Variants in SAMMSON observed in about 807,000 individuals in gnomAD.
The protein encoded by SAMMSON is long intergenic non-protein coding RNA 1212.
intron 3 of SAMMSON, chr3:70,024,755 T>C (rs1390297151): frequency 1.3e-5 from 2 of 152,236 alleles, no homozygotes; most frequent in Non-Finnish European, 2.9e-5. Context: ...GAAAGGCTTT[T>C]TGCTTTGTTT....
chr3:70,333,412 A>G (rs373980207), intron 7 of SAMMSON, among the ~76,000 whole-genome samples: 11 of 152,262 alleles, frequency 7.2e-5, no homozygotes, highest in African/African-American at 2.6e-4. Context: ...TTATATACAC[A>G]CACACATGTA....
At chr3:70,087,601 G>C (rs2067290539) in intron 4 of SAMMSON, among the ~76,000 whole-genome samples, 1 of 152,182 alleles carries the variant, frequency 6.6e-6, no homozygotes, top group Non-Finnish European at 1.5e-5. Context: ...TGACACTGGA[G>C]TTATTTTCTG....
chr3:70,381,574 G>A (rs987419096), intron 9 of SAMMSON, among the ~76,000 whole-genome samples: 1 of 152,140 alleles, frequency 6.6e-6, no homozygotes, highest in Non-Finnish European at 1.5e-5. Flanking sequence ...GATTTTATGT[G>A]CTTCCTGATG....
intron 4 of SAMMSON, chr3:70,124,986 T>C (rs1232314548): frequency 2.9e-5 from 19 of 655,534 alleles, no homozygotes. Flanking sequence ...AGTTCCATAG[T>C]CCAGGTGGTC....
chr3:70,169,147 GA>G (rs760237083), intron 4 of SAMMSON, among the ~76,000 whole-genome samples: 18 of 151,862 alleles, frequency 1.2e-4, no homozygotes, highest in Non-Finnish European at 2.4e-4. Context: ...AGATCTGGGA[GA>G]AAAAAAGATA....
chr3:70,212,987 T>A (rs1701365773), intron 4 of SAMMSON, among the ~76,000 whole-genome samples: 1 of 152,042 alleles, frequency 6.6e-6, no homozygotes, highest in South Asian at 2.1e-4. Flanking sequence ...ATTTGTATTT[T>A]GTGCAGAGAC....
At chr3:70,008,404 A>C (rs566506425) in intron 1 of SAMMSON, among the ~76,000 whole-genome samples, 1 of 152,140 alleles carries the variant, frequency 6.6e-6, no homozygotes, top group Non-Finnish European at 1.5e-5. Flanking sequence ...TTCTCTTTGA[A>C]GCAATTGTGA....
At chr3:70,407,565 A>G (rs1039341610) in intron 2 of SAMMSON, among the ~76,000 whole-genome samples, 1 of 152,196 alleles carries the variant, frequency 6.6e-6, no homozygotes, top group Non-Finnish European at 1.5e-5. Context: ...CTTCAAAATG[A>G]TCTCCTTTGA....
intron 3 of SAMMSON, among the ~76,000 whole-genome samples, chr3:70,022,931 A>G (rs928557010): frequency 6.6e-5 from 10 of 152,212 alleles, no homozygotes; most frequent in African/African-American, 2.4e-4. Context: ...TTTCTTGTGA[A>G]GAAAAAGTTG....
At chr3:70,370,133 T>C (rs944744428) in intron 9 of SAMMSON, among the ~76,000 whole-genome samples, 2 of 151,982 alleles carry the variant, frequency 1.3e-5, no homozygotes, top group Non-Finnish European at 2.9e-5. Context: ...TTGCTGCGAA[T>C]GACATGATGT....
intron 4 of SAMMSON, among the ~76,000 whole-genome samples, chr3:70,213,639 GA>G (rs1701372304): frequency 6.6e-6 from 1 of 152,098 alleles, no homozygotes; most frequent in African/African-American, 2.4e-5. Flanking sequence ...ACTGTATAGA[GA>G]AAAAAAGTTT....
chr3:70,366,217 C>A lies in SAMMSON; in HGVS notation n.913+7893C>A. On this transcript the variant is annotated intron_variant and non_coding_transcript_variant, in intron 9 of 9. Transcript: ENST00000642114. ...TTGTTAGCCAGGATGGTCTCGATCTCCTGACCTCATGATCCACCCGCCTCG... is the reference window on the plus strand; with the variant it reads ...TTGTTAGCCAGGATGGTCTCGATCTACTGACCTCATGATCCACCCGCCTCG... 7.7e-5 allele frequency among the ~76,000 whole-genome samples: 2 copies of A among 25,904 alleles called. 1 individual carries two copies. Among genetic ancestry groups the A allele is most frequent in the Non-Finnish European group, 1.9e-4 (2 of 10,524 alleles). The allele number at this position is 25,904 out of a possible 152,430, so 17.0% of individuals were successfully genotyped here. A position where few individuals can be genotyped will look rare whatever the true frequency, so the allele number is the denominator to read the frequency against.
chr3:70,215,851 C>T (rs974698139), intron 4 of SAMMSON, among the ~76,000 whole-genome samples: 7 of 152,058 alleles, frequency 4.6e-5, no homozygotes, highest in African/African-American at 1.7e-4. Flanking sequence ...ATGGACTCAT[C>T]CTTAGGGGAG....
At chr3:70,061,159 T>C (rs896405787) in intron 3 of SAMMSON, among the ~76,000 whole-genome samples, 1 of 151,992 alleles carries the variant, frequency 6.6e-6, no homozygotes. Flanking sequence ...TCATGAGTAA[T>C]AGACAAGGCA....
intron 4 of SAMMSON, among the ~76,000 whole-genome samples, chr3:70,239,179 G>A (rs531126135): frequency 2.6e-5 from 4 of 152,264 alleles, no homozygotes; most frequent in African/African-American, 4.8e-5. Flanking sequence ...AGGAATTTAC[G>A]TATGTTATGT....
chr3:70,196,213 G>A (rs1298123374), intron 4 of SAMMSON, among the ~76,000 whole-genome samples: 2 of 152,000 alleles, frequency 1.3e-5, no homozygotes, highest in Admixed American at 6.6e-5. Context: ...TTTCTGTAAC[G>A]AATTAAGAAT....
intron 9 of SAMMSON, among the ~76,000 whole-genome samples, chr3:70,388,735 C>T (rs1701012051): frequency 6.6e-6 from 1 of 152,094 alleles, no homozygotes; most frequent in African/African-American, 2.4e-5. Flanking sequence ...GGGACAGCTA[C>T]CTTGAATCAT....
intron 4 of SAMMSON, among the ~76,000 whole-genome samples, chr3:70,212,298 G>C (rs1442693742): frequency 6.6e-6 from 1 of 152,036 alleles, no homozygotes; most frequent in African/African-American, 2.4e-5. Flanking sequence ...ATTTTTTGTG[G>C]GTAACTAGCG....
intron 2 of SAMMSON, among the ~76,000 whole-genome samples, chr3:70,407,176 C>T (rs958552084): frequency 5.3e-5 from 8 of 152,276 alleles, no homozygotes; most frequent in African/African-American, 1.7e-4. Flanking sequence ...TCCCACAACA[C>T]ATGGGAATTA....
Sources: gnomAD v4.1 joint callset for allele counts (sites outside exome capture counted in the v4.1 genomes callset) on GRCh38, gnomAD v4.1.1 for gene constraint, MANE v1.5 for transcripts, NCBI Gene and HGNC (gene_info 2026-07-23, HGNC 2026-07-21) for gene names.